LPCAT2: variants seen among roughly 807,000 people sequenced by gnomAD.
The protein encoded by LPCAT2 is lysophosphatidylcholine acyltransferase 2, also known as 1-AGP acyltransferase 11.
A neutral mutation model predicts 64.7 loss-of-function variants in LPCAT2; 58 were observed. The observed-to-expected ratio is 0.90, with a 90% CI of 0.73 to 1.12. The LOEUF is 1.12. LPCAT2 is among the 50% of genes most tolerant of loss of function. The pLI is 0.00. For synonymous variants in LPCAT2, 252 were observed against 245.3 expected (o/e 1.03, Z -0.26); for missense variants, 579 against 669.8 (o/e 0.86, Z 1.50).
intron 10 of LPCAT2, 117 bp downstream of exon 10, chr16:55,549,519 T>A: frequency 2.0e-6 from 2 of 1,023,508 alleles, no homozygotes; most frequent in Non-Finnish European, 2.7e-6. Context: ...TGGTGTATAT[T>A]AGGAAAGTCA....
At chr16:55,540,734 T>C in intron 8 of LPCAT2, 1 of 191,482 alleles carries the variant, frequency 5.2e-6, no homozygotes, top group Non-Finnish European at 1.0e-5. Flanking sequence ...AGTCCCCCCT[T>C]ATCTGTAGGG....
chr16:55,547,417 C>T (rs1247512589), intron 9 of LPCAT2, among the ~76,000 whole-genome samples: 1 of 152,130 alleles, frequency 6.6e-6, no homozygotes, highest in African/African-American at 2.4e-5. Context: ...TATTAGGAGA[C>T]TCAAGTAGGA....
In LPCAT2 at chr16:55,583,976, C is replaced by T. The variant is rs993242320; in HGVS notation, c.*878C>T. 2.0e-5 allele frequency: 3 copies of T among 152,234 alleles called. No individual in the cohort carries two copies. The highest frequency in any genetic ancestry group is 2.0e-4 in the Admixed American group (3 of 15,278). 9.4% of individuals were successfully genotyped at this position (152,234 alleles called of 1,614,324 possible). A position where few individuals can be genotyped will look rare whatever the true frequency, so the allele number is the denominator to read the frequency against. ...GGGATTACAGGTGTGAGCCACCGTTCCCGGCCTATTGTAGATTTTCTTAAC... is the reference window on the plus strand; with the variant it reads ...GGGATTACAGGTGTGAGCCACCGTTTCCGGCCTATTGTAGATTTTCTTAAC... On this transcript the variant is annotated 3_prime_UTR_variant, in exon 14 of 14. Coordinates refer to ENST00000262134, the MANE Select transcript of LPCAT2 (RefSeq NM_017839.5).
At chr16:55,575,597 C>T (rs1234997912) in intron 12 of LPCAT2, among the ~76,000 whole-genome samples, 2 of 152,258 alleles carry the variant, frequency 1.3e-5, no homozygotes, top group Non-Finnish European at 2.9e-5. Flanking sequence ...CTGTTTTCTA[C>T]TCATCTCTTC....
In LPCAT2 at chr16:55,583,313, CTTTACTGATTCA is replaced by C. The variant is rs568741661; in HGVS notation, c.*223_*234del. ...TCGTTTTCTTTTGTGTTATATTGTACTTTACTGATTCATTTACTGGTGATACATATGTTTTTA... is the reference window on the plus strand; with the variant it reads ...TCGTTTTCTTTTGTGTTATATTGTACTTTACTGGTGATACATATGTTTTTA... On this transcript the variant is annotated 3_prime_UTR_variant, in exon 14 of 14. Coordinates refer to ENST00000262134, the MANE Select transcript of LPCAT2 (RefSeq NM_017839.5). 1.6e-5 allele frequency: 7 copies of C among 447,208 alleles called. No homozygotes were observed. The highest frequency in any genetic ancestry group is 1.4e-4 in the African/African-American group (7 of 51,474). 27.7% of individuals were successfully genotyped at this position (447,208 alleles called of 1,614,324 possible).
chr16:55,510,065 G>C (rs994492710), intron 1 of LPCAT2, among the ~76,000 whole-genome samples: 1 of 143,122 alleles, frequency 7.0e-6, no homozygotes, highest in Non-Finnish European at 1.5e-5. Flanking sequence ...AGAAGGCAGA[G>C]AGCCTAGGTC....
chr16:55,520,130 A>T (rs971939401), intron 1 of LPCAT2, among the ~76,000 whole-genome samples: 6 of 152,174 alleles, frequency 3.9e-5, no homozygotes, highest in Admixed American at 2.6e-4. Flanking sequence ...AAAGAATAAG[A>T]CCCAGCTATA....
chr16:55,585,180 A>G lies in LPCAT2; in HGVS notation c.*2082A>G, dbSNP rs1232960905. 1 of 152,220 alleles carries G rather than the reference A, an allele frequency of 6.6e-6. No individual in the cohort carries two copies. Among genetic ancestry groups the G allele is most frequent in the Non-Finnish European group, 1.5e-5 (1 of 68,028 alleles). 9.4% of individuals were successfully genotyped at this position (152,220 alleles called of 1,614,324 possible). A position where few individuals can be genotyped will look rare whatever the true frequency, so the allele number is the denominator to read the frequency against. On this transcript the variant is annotated 3_prime_UTR_variant, in exon 14 of 14. Transcript: ENST00000262134. ...AAACTTGCTACATAAAATTCTTAGC[A>G]ATTAAAAAAATTCTGATTCTGCCAT...
intron 1 of LPCAT2, among the ~76,000 whole-genome samples, chr16:55,521,692 A>G (rs1371626822): frequency 1.3e-5 from 2 of 151,808 alleles, no homozygotes; most frequent in Non-Finnish European, 3.0e-5. Flanking sequence ...ATAAAATTCC[A>G]ATTTCAATGT....
rs1244509522 is a variant in LPCAT2 at position 55,518,705 on chromosome 16, T to G, written c.172-6803T>G. Among the ~76,000 whole-genome samples, 3 of 152,224 alleles carry G rather than the reference T, an allele frequency of 2.0e-5. No individual in the cohort carries two copies. In the South Asian group the frequency reaches 6.2e-4, roughly 32 times the overall value. ...AGAGTAGTTTTTGCAACAAATGGTC[T>G]GGGACAATTGGATTGACATGTGCAG... is the stretch of plus-strand genomic sequence containing the variant. On this transcript the variant is annotated intron_variant, in intron 1 of 13. Coordinates refer to ENST00000262134, the MANE Select transcript of LPCAT2 (RefSeq NM_017839.5).
rs546735419 is a variant in LPCAT2, at chr16:55,579,297, T to C, written c.1450+53T>C. 1.7e-4 allele frequency: 264 copies of C among 1,554,362 alleles called. 3 individuals are homozygous for C. The South Asian group carries it at 2.5e-3, about 14-fold the overall frequency. ...TAGTTTACAAGGAGGACATCCAGAC[T>C]ATGGACTGATGCTCAAGAGTACTGT... On this transcript the variant is annotated intron_variant, in intron 13 of 13. Coordinates refer to ENST00000262134, the MANE Select transcript of LPCAT2 (RefSeq NM_017839.5).
intron 1 of LPCAT2, among the ~76,000 whole-genome samples, chr16:55,509,735 G>A (rs2241148): frequency 0.47 from 71,279 of 151,810 alleles, 17,565 homozygotes; most frequent in Non-Finnish European, 0.55. Flanking sequence ...TGAAAGGGGC[G>A]GAGATGTGTG....
chr16:55,514,741 A>G (rs1394286321), intron 1 of LPCAT2, among the ~76,000 whole-genome samples: 4 of 152,218 alleles, frequency 2.6e-5, no homozygotes, highest in Non-Finnish European at 4.4e-5. Context: ...TCCCTGAGAA[A>G]GCCCAGACTT....
chr16:55,524,447 T>C (rs1555495436), intron 1 of LPCAT2, among the ~76,000 whole-genome samples: 2 of 151,962 alleles, frequency 1.3e-5, no homozygotes, highest in Non-Finnish European at 2.9e-5. Context: ...CTGGGAGTGG[T>C]AAATATGTTT....
intron 11 of LPCAT2, among the ~76,000 whole-genome samples, chr16:55,573,396 T>TG (rs1318779799): frequency 6.7e-6 from 1 of 150,324 alleles, no homozygotes; most frequent in Non-Finnish European, 1.5e-5. Context: ...GTTTTTTTGT[T>TG]TTTTTTTTTC....
At chr16:55,550,028 A>G (rs1963498059) in intron 10 of LPCAT2, among the ~76,000 whole-genome samples, 1 of 152,178 alleles carries the variant, frequency 6.6e-6, no homozygotes. Context: ...GAATTTATTA[A>G]TTAACATCCT....
rs117816366 is a variant in LPCAT2 at position 55,518,510 on chromosome 16, C to T, written c.172-6998C>T. Among the ~76,000 whole-genome samples, 421 of 152,264 alleles carry T rather than the reference C, an allele frequency of 2.8e-3. 10 individuals carry two copies. In the South Asian group the frequency reaches 0.051, roughly 18 times the overall value. On this transcript the variant is annotated intron_variant, in intron 1 of 13. Coordinates refer to ENST00000262134, the MANE Select transcript of LPCAT2 (RefSeq NM_017839.5). The stretch of plus-strand genomic sequence containing the variant: ...AATAAAAACAAAATTGGAGAACTCA[C>T]ATTTCTCATTTTCAAAACGTACTGT...
chr16:55,546,564 C>T (rs1264390053), intron 9 of LPCAT2, among the ~76,000 whole-genome samples: 1 of 152,022 alleles, frequency 6.6e-6, no homozygotes, highest in Non-Finnish European at 1.5e-5. Flanking sequence ...AGCTTTATAG[C>T]CAGATTTCAT....
At chr16:55,581,769 A>G (rs1260084420) in intron 13 of LPCAT2, among the ~76,000 whole-genome samples, 1 of 152,214 alleles carries the variant, frequency 6.6e-6, no homozygotes, top group East Asian at 1.9e-4. Context: ...CCAAAAGAAG[A>G]GAATAGAAGG....
Sources: gnomAD v4.1 joint callset for allele counts (sites outside exome capture counted in the v4.1 genomes callset) on GRCh38, gnomAD v4.1.1 for gene constraint, MANE v1.5 for transcripts, NCBI Gene and HGNC (gene_info 2026-07-23, HGNC 2026-07-21) for gene names.